The following ULK4 variants were observed in gnomAD, a reference collection of about 807,000 sequenced individuals.
ULK4 encodes the protein inactive serine/threonine-protein kinase ULK4.
A neutral mutation model predicts 160.6 loss-of-function variants in ULK4; 133 were observed. The ratio of observed to expected loss-of-function variants is 0.83; its 90% confidence interval spans 0.72 to 0.96. The LOEUF is 0.96. ULK4 is among the 40% of genes least tolerant of loss of function. ULK4 has a pLI of 0.00. For missense variants in ULK4, 1,580 were observed against 1,499.5 expected, an observed-to-expected ratio of 1.05 and a Z score of -0.89; for synonymous variants, 534 against 539.8, an observed-to-expected ratio of 0.99 and a Z score of 0.15.
chr3:41,472,265 T>C (rs2084013105), intron 32 of ULK4, among the ~76,000 whole-genome samples: 1 of 151,798 alleles, frequency 6.6e-6, no homozygotes, highest in Non-Finnish European at 1.5e-5. Flanking sequence ...TAAGACTAAA[T>C]CATAAAGAAA....
chr3:41,448,368 C>A (rs1161412435), intron 34 of ULK4, among the ~76,000 whole-genome samples: 1 of 152,032 alleles, frequency 6.6e-6, no homozygotes, highest in African/African-American at 2.4e-5. Context: ...GGAGAATGAG[C>A]TAAGGGAAAT....
At chr3:41,648,054 G>T (rs943320211) in intron 30 of ULK4, among the ~76,000 whole-genome samples, 1 of 152,192 alleles carries the variant, frequency 6.6e-6, no homozygotes, top group Admixed American at 6.5e-5. Flanking sequence ...TCGGAAAAGC[G>T]CAGTATTCTG....
intron 12 of ULK4, among the ~76,000 whole-genome samples, chr3:41,903,572 G>A (rs1698445924): frequency 7.2e-6 from 1 of 139,046 alleles, no homozygotes; most frequent in Non-Finnish European, 1.6e-5. Context: ...CAAACAGAGC[G>A]AGACTCTGTC....
chr3:41,647,995 C>A (rs558152022), intron 30 of ULK4, among the ~76,000 whole-genome samples: 3 of 152,330 alleles, frequency 2.0e-5, no homozygotes, highest in Admixed American at 6.5e-5. Flanking sequence ...TAGGACCCTC[C>A]GAGCCAGGTG....
chr3:41,931,380 A>T (rs1416688666), intron 5 of ULK4, among the ~76,000 whole-genome samples: 1 of 151,444 alleles, frequency 6.6e-6, no homozygotes, highest in Non-Finnish European at 1.5e-5. Context: ...TACCTAATGT[A>T]GATGACAGGT....
At chr3:41,763,087 T>A (rs1380117489) in intron 21 of ULK4, among the ~76,000 whole-genome samples, 2 of 152,020 alleles carry the variant, frequency 1.3e-5, no homozygotes, top group Non-Finnish European at 2.9e-5. Flanking sequence ...CCTCCACACG[T>A]GCGAATTACA....
intron 34 of ULK4, among the ~76,000 whole-genome samples, chr3:41,404,055 C>T (rs547584963): frequency 5.3e-5 from 8 of 152,106 alleles, no homozygotes; most frequent in East Asian, 1.9e-4. Flanking sequence ...AAAAAAAATG[C>T]GTATTCTGTT....
intron 35 of ULK4, among the ~76,000 whole-genome samples, chr3:41,294,834 T>C (rs9809078): frequency 0.16 from 23,989 of 152,202 alleles, 2,277 homozygotes; most frequent in African/African-American, 0.26. Context: ...CATGTTCTCA[T>C]TGGATAGGGA....
At chr3:41,851,393 A>G (rs969700511) in intron 17 of ULK4, among the ~76,000 whole-genome samples, 6 of 152,152 alleles carry the variant, frequency 3.9e-5, no homozygotes, top group Admixed American at 2.0e-4. Flanking sequence ...TGATTTGCGT[A>G]TGTTGAACCA....
intron 30 of ULK4, among the ~76,000 whole-genome samples, chr3:41,652,903 T>G (rs1295130608): frequency 1.3e-5 from 2 of 152,226 alleles, no homozygotes; most frequent in Non-Finnish European, 2.9e-5. Context: ...TTGATCTTGC[T>G]TCACATTGAT....
At chr3:41,800,485 A>C (rs1408870525) in intron 19 of ULK4, among the ~76,000 whole-genome samples, 192 bp from the exon 20 acceptor site, 2 of 152,212 alleles carry the variant, frequency 1.3e-5, no homozygotes, top group East Asian at 3.8e-4. Flanking sequence ...GTTATTCACT[A>C]GCAAGCTATC....
chr3:41,576,772 ATCTC>A (rs980195905), intron 31 of ULK4, among the ~76,000 whole-genome samples: 1 of 152,182 alleles, frequency 6.6e-6, no homozygotes, highest in Non-Finnish European at 1.5e-5. Flanking sequence ...AATACACAAA[ATCTC>A]TCACATGCTA....
intron 22 of ULK4, among the ~76,000 whole-genome samples, chr3:41,731,400 A>T (rs1360431538): frequency 4.6e-5 from 7 of 152,086 alleles, no homozygotes; most frequent in Non-Finnish European, 1.0e-4. Context: ...TTATAAAAAA[A>T]ATTCTCTTAA....
chr3:41,421,657 T>C (rs1389636065), intron 34 of ULK4, among the ~76,000 whole-genome samples: 1 of 152,178 alleles, frequency 6.6e-6, no homozygotes, highest in African/African-American at 2.4e-5. Context: ...CTAGATTTAA[T>C]TTTCTTTTTT....
chr3:41,366,602 T>C (rs930324228), intron 35 of ULK4, among the ~76,000 whole-genome samples: 12 of 151,488 alleles, frequency 7.9e-5, no homozygotes, highest in South Asian at 4.2e-4. Flanking sequence ...TATGTATATA[T>C]ACACACACAC....
intron 32 of ULK4, among the ~76,000 whole-genome samples, chr3:41,482,615 G>A (rs1158430497): frequency 6.6e-6 from 1 of 152,176 alleles, no homozygotes; most frequent in Non-Finnish European, 1.5e-5. Context: ...ATGACTGGAA[G>A]TTGTTGTGTT....
rs755018472 is a variant in ULK4 at position 41,883,970 on chromosome 3, A to G, written c.1578-18T>C. 2 of 1,575,160 alleles carry G rather than the reference A, an allele frequency of 1.3e-6. No individual in the cohort carries two copies. The highest frequency in any genetic ancestry group is 2.7e-5 in the African/African-American group (2 of 74,598). ...TGGCCCGTCTGTAAATGGAGAGAAAACAGGCTCTGAAAAGAAGAGTCGGGG... is the reference window on the plus strand; with the variant it reads ...TGGCCCGTCTGTAAATGGAGAGAAAGCAGGCTCTGAAAAGAAGAGTCGGGG... On this transcript the variant is annotated intron_variant, in intron 16 of 36. Transcript: ENST00000301831.
At chr3:41,323,148 G>A (rs2080274926) in intron 35 of ULK4, among the ~76,000 whole-genome samples, 1 of 151,928 alleles carries the variant, frequency 6.6e-6, no homozygotes, top group Admixed American at 6.6e-5. Context: ...TGTTGGTCAG[G>A]CTGGTCGTGA....
intron 17 of ULK4, among the ~76,000 whole-genome samples, chr3:41,852,917 G>A (rs958053553): frequency 5.3e-5 from 8 of 152,122 alleles, no homozygotes; most frequent in Non-Finnish European, 8.8e-5. Flanking sequence ...AAAAGAAGCA[G>A]TGGTGAAAAA....
Sources: gnomAD v4.1 joint callset for allele counts (sites outside exome capture counted in the v4.1 genomes callset) on GRCh38, gnomAD v4.1.1 for gene constraint, MANE v1.5 for transcripts, NCBI Gene and HGNC (gene_info 2026-07-23, HGNC 2026-07-21) for gene names.